The following TAPT1 variants were observed in gnomAD, a reference collection of about 807,000 sequenced individuals.
The protein encoded by TAPT1 is transmembrane anterior posterior transformation 1.
TAPT1 carries 28 observed loss-of-function variants against 65.6 expected under a neutral mutation model. The observed-to-expected ratio is 0.43, with a 90% confidence interval of 0.32 to 0.59. The LOEUF is 0.59. Among genes scored for constraint, TAPT1 ranks in the 20% least tolerant of loss-of-function variants. The pLI is 0.09. For synonymous variants in TAPT1, 278 were observed against 245.2 expected (o/e 1.13, Z -1.25); for missense variants, 563 against 679.9 (o/e 0.83, Z 1.91).
intron 1 of TAPT1, among the ~76,000 whole-genome samples, chr4:16,223,600 C>G (rs1304619255): frequency 1.3e-5 from 2 of 152,102 alleles, no homozygotes; most frequent in African/African-American, 4.8e-5. Flanking sequence ...CAGCCTATTG[C>G]CAGGCTAAAT....
At chr4:16,178,455 C>T (rs1748490945) in intron 8 of TAPT1, among the ~76,000 whole-genome samples, 1 of 151,962 alleles carries the variant, frequency 6.6e-6, no homozygotes. Flanking sequence ...TAAATGAAAT[C>T]CAAAACATGG....
intron 10 of TAPT1, 23 bp downstream of exon 10, chr4:16,174,647 C>T (rs1215988953): frequency 6.4e-7 from 1 of 1,570,408 alleles, no homozygotes; most frequent in Admixed American, 1.8e-5. Flanking sequence ...TAATTTCAGA[C>T]TACGCCCTTG....
At chr4:16,193,008 C>T (rs966457725) in intron 3 of TAPT1, among the ~76,000 whole-genome samples, 1 of 152,192 alleles carries the variant, frequency 6.6e-6, no homozygotes, top group Non-Finnish European at 1.5e-5. Flanking sequence ...TGAAACATTG[C>T]TTTATAAGGT....
In TAPT1 at chr4:16,193,371, T is replaced by C. The variant is rs917188115; in HGVS notation, c.450-1848A>G. On this transcript the variant is annotated intron_variant, in intron 3 of 13. Coordinates refer to ENST00000405303, the MANE Select transcript of TAPT1 (RefSeq NM_153365.3). ...AGGAAAGATTGCATCACGGCCAAAGTTGATCAATCTCTGTCATTATTTCTT... is the reference window on the plus strand; with the variant it reads ...AGGAAAGATTGCATCACGGCCAAAGCTGATCAATCTCTGTCATTATTTCTT... Among the ~76,000 whole-genome samples the C allele has an allele frequency of 3.9e-5, 6 of 152,344 alleles. No homozygotes were observed. In the Middle Eastern group the frequency reaches 0.017, roughly 432 times the overall value.
intron 1 of TAPT1, among the ~76,000 whole-genome samples, chr4:16,224,596 A>T (rs1355017408): frequency 6.6e-6 from 1 of 152,168 alleles, no homozygotes; most frequent in East Asian, 1.9e-4. Context: ...ACACAAAATC[A>T]ATGGAACTGG....
chr4:16,167,663 C>G (rs1380837881), intron 12 of TAPT1, among the ~76,000 whole-genome samples: 3 of 152,132 alleles, frequency 2.0e-5, no homozygotes, highest in Admixed American at 1.3e-4. Context: ...ACTTAATCAG[C>G]TAATCTGGAA....
rs755484136 is a variant in TAPT1 at position 16,226,468 on chromosome 4, C to T, written c.-11G>A. On this transcript the variant is annotated 5_prime_UTR_variant, in exon 1 of 14. The change creates a new upstream start codon in the 5' untranslated region. Transcript: ENST00000405303. ...GCCGACGCCCGCCATGTTCCGAGCACAACAAACTGTCCCCGCCGCCTCCCT... is the reference window on the plus strand; with the variant it reads ...GCCGACGCCCGCCATGTTCCGAGCATAACAAACTGTCCCCGCCGCCTCCCT... 2.1e-3 allele frequency: 2,175 copies of T among 1,058,088 alleles called. 2 individuals carry two copies. Among genetic ancestry groups the T allele is most frequent in the Non-Finnish European group, 2.4e-3 (2,075 of 878,818 alleles). 65.5% of individuals were successfully genotyped at this position (1,058,088 alleles called of 1,614,324 possible).
At position 16,215,340 on chromosome 4, in the gene TAPT1, A is replaced by G. The variant is rs566921071; in HGVS notation, c.200-1442T>C. On this transcript the variant is annotated intron_variant, in intron 1 of 13. Coordinates refer to ENST00000405303, the MANE Select transcript of TAPT1 (RefSeq NM_153365.3). ...TATATATCTCCTTAAAAGCCCTTGG[A>G]AAGACTTAGAAGCCAACTTGACTAT... Among the ~76,000 whole-genome samples, 6 of 152,212 alleles carry G rather than the reference A, an allele frequency of 3.9e-5. 1 individual carries two copies. The South Asian group carries it at 1.2e-3, about 32-fold the overall frequency.
chr4:16,179,847 C>A (rs1380472705), intron 7 of TAPT1, among the ~76,000 whole-genome samples, 190 bp from the exon 8 acceptor site: 1 of 146,926 alleles, frequency 6.8e-6, no homozygotes, highest in South Asian at 2.1e-4. Flanking sequence ...CTGGTGCTAC[C>A]ATGGTAAGCC....
intron 7 of TAPT1, chr4:16,182,712 C>T (rs1434690666): frequency 6.6e-6 from 1 of 152,194 alleles, no homozygotes; most frequent in East Asian, 1.9e-4. Context: ...ACCTAAAATT[C>T]TTCATCTCAA....
In TAPT1 at chr4:16,186,883, T is replaced by C. The variant is rs764857645; in HGVS notation, c.749-5A>G. ...TTATAAGAATTGCATGCAAAACTAATAGAAGGTCAAGGAAAAAACTTAAAT... is the reference window on the plus strand; with the variant it reads ...TTATAAGAATTGCATGCAAAACTAACAGAAGGTCAAGGAAAAAACTTAAAT... On this transcript the variant is annotated splice_polypyrimidine_tract_variant and splice_region_variant and intron_variant, in intron 5 of 13. Transcript: ENST00000405303. 5.0e-6 allele frequency: 8 copies of C among 1,588,146 alleles called. No individual in the cohort carries two copies. The highest frequency in any genetic ancestry group is 2.2e-5 in the East Asian group (1 of 44,632).
chr4:16,166,911 G>T (rs562251723), intron 12 of TAPT1, 118 bp from the exon 13 acceptor site: 36 of 924,570 alleles, frequency 3.9e-5, no homozygotes, highest in Non-Finnish European at 4.8e-5. Flanking sequence ...ACAGATTAGG[G>T]ATTTAGAGGA....
chr4:16,191,107 C>T, intron 4 of TAPT1: 1 of 344,030 alleles, frequency 2.9e-6, no homozygotes, highest in Non-Finnish European at 5.3e-6. Context: ...TGCAGGCTTG[C>T]CACCAGAGGT....
chr4:16,200,353 T>G (rs991238237), intron 3 of TAPT1, among the ~76,000 whole-genome samples: 2 of 152,194 alleles, frequency 1.3e-5, no homozygotes, highest in Non-Finnish European at 1.5e-5. Context: ...AGACAGGGTC[T>G]CACTCATCAC....
At chr4:16,211,309 T>A (rs1386059348) in intron 2 of TAPT1, among the ~76,000 whole-genome samples, 2 of 152,094 alleles carry the variant, frequency 1.3e-5, no homozygotes, top group African/African-American at 4.8e-5. Flanking sequence ...ATTTAGGTTA[T>A]CTTGCATGTC....
intron 12 of TAPT1, among the ~76,000 whole-genome samples, chr4:16,168,291 G>T (rs1169805004): frequency 3.3e-5 from 5 of 152,010 alleles, no homozygotes; most frequent in Admixed American, 3.3e-4. Context: ...TTTCTTTTTT[G>T]TAGAGATGGG....
intron 11 of TAPT1, among the ~76,000 whole-genome samples, chr4:16,172,462 A>C (rs1173409339): frequency 6.6e-6 from 1 of 152,116 alleles, no homozygotes; most frequent in Non-Finnish European, 1.5e-5. Flanking sequence ...CTATTTTATC[A>C]ATCTCTTAAG....
intron 5 of TAPT1, among the ~76,000 whole-genome samples, chr4:16,187,697 C>A (rs910542251): frequency 6.6e-6 from 1 of 152,018 alleles, no homozygotes; most frequent in African/African-American, 2.4e-5. Flanking sequence ...GGGGTACACA[C>A]AAACATGTAC....
chr4:16,171,171 T>C (rs2149670820), intron 11 of TAPT1, among the ~76,000 whole-genome samples: 1 of 152,322 alleles, frequency 6.6e-6, no homozygotes, highest in Admixed American at 6.5e-5. Context: ...TTCCTGCTTT[T>C]TTTGCCCTCC....
Sources: gnomAD v4.1 joint callset for allele counts (sites outside exome capture counted in the v4.1 genomes callset) on GRCh38, gnomAD v4.1.1 for gene constraint, MANE v1.5 for transcripts, NCBI Gene and HGNC (gene_info 2026-07-23, HGNC 2026-07-21) for gene names.